Variants in SAXO1 observed in about 807,000 individuals in gnomAD.
SAXO1 encodes 4930500O09Rik.
SAXO1 carries 21 observed loss-of-function variants against 17.5 expected under a neutral mutation model. The observed-to-expected ratio is 1.20, with a 90% CI of 0.85 to 1.72. The LOEUF (loss-of-function observed/expected upper bound fraction) is 1.72. SAXO1 is among the 40% of genes most tolerant of loss of function. The pLI, the probability that SAXO1 is intolerant of heterozygous loss-of-function variation, is 0.00. For synonymous variants in SAXO1, 274 were observed against 216.5 expected, an observed-to-expected ratio of 1.27 and a Z score of -2.33; for missense variants, 843 against 596.0, an observed-to-expected ratio of 1.41 and a Z score of -4.32.
rs187290736 is a variant in SAXO1, at chr9:18,997,940, C to G, written c.38+34931G>C. On this transcript the variant is annotated intron_variant, in intron 1 of 3. Transcript: ENST00000380534. ...CATCAACATCAACAAAAAGGACATC[C>G]ACACCAAAACCCCATCTGTAGGTCA... Among the ~76,000 whole-genome samples the G allele has an allele frequency of 1.5e-4, 23 of 152,262 alleles. 2 individuals are homozygous for G. The East Asian group carries it at 3.9e-3, about 26-fold the overall frequency.
At chr9:19,030,509 C>A (rs1252520439) in intron 1 of SAXO1, among the ~76,000 whole-genome samples, 1 of 151,968 alleles carries the variant, frequency 6.6e-6, no homozygotes, top group Non-Finnish European at 1.5e-5. Flanking sequence ...GAGTTTAAGA[C>A]CAGCTGGCCA....
chr9:19,032,915 G>A lies in SAXO1; in HGVS notation c.-7C>T, dbSNP rs111491854. 9.3e-6 allele frequency: 15 copies of A among 1,607,900 alleles called. No homozygotes were observed. The highest frequency in any genetic ancestry group is 6.7e-5 in the African/African-American group (5 of 74,988). ...AGATGCACTTCGTCTTCATAGGGGC[G>A]ATCCTGAGGCCCTGACGTCCCCTCA... On this transcript the variant is annotated 5_prime_UTR_variant, in exon 1 of 4. Coordinates refer to ENST00000380534, the MANE Select transcript of SAXO1 (RefSeq NM_153707.4).
chr9:18,928,962 G>A lies in SAXO1; in HGVS notation c.515C>T (p.Thr172Ile), dbSNP rs1395364167. ...TTTTATGGGGTAATCGTCCTGGTGT[G>A]TGGTTCTGTTATCAAACCTGACTGA... is the stretch of plus-strand genomic sequence containing the variant. ...PASVRFDNRTTHQDDYPIKGL... is the reference protein window; with the variant it reads ...PASVRFDNRTIHQDDYPIKGL... Residue 172 changes from threonine to isoleucine, a missense_variant, in exon 4 of 4, where the codon ACA (threonine) becomes ATA (isoleucine). Thr to Ile is a moderately conservative substitution (Grantham distance 89). Transcript: ENST00000380534. The A allele has an allele frequency of 6.2e-7, 1 of 1,613,988 alleles. No homozygotes were observed. The highest frequency in any genetic ancestry group is 8.5e-7 in the Non-Finnish European group (1 of 1,180,026).
At chr9:18,946,497 A>C (rs1271461799) in intron 2 of SAXO1, among the ~76,000 whole-genome samples, 1 of 152,048 alleles carries the variant, frequency 6.6e-6, no homozygotes, top group Non-Finnish European at 1.5e-5. Context: ...CAAGACACAG[A>C]GTTTGCATTG....
At chr9:18,993,375 G>T (rs10811083) in intron 1 of SAXO1, among the ~76,000 whole-genome samples, 78,304 of 151,446 alleles carry the variant, frequency 0.52, 21,814 homozygotes, top group Non-Finnish European at 0.63. Flanking sequence ...TCTGTTGAGG[G>T]CTCATCCATG....
chr9:19,027,863 C>A, intron 1 of SAXO1: 1 of 1,362,250 alleles, frequency 7.3e-7, no homozygotes, highest in Non-Finnish European at 1.0e-6. Context: ...CGCCCTGCTA[C>A]GCTAGGGCGG....
chr9:19,045,913 C>T (rs1836201903), intron 1 of SAXO1, among the ~76,000 whole-genome samples: 1 of 149,866 alleles, frequency 6.7e-6, no homozygotes, highest in South Asian at 2.1e-4. Flanking sequence ...CATGGAGAAA[C>T]CCCGTATCTA....
chr9:18,963,637 G>T (rs10963876), intron 1 of SAXO1, among the ~76,000 whole-genome samples: 6,809 of 152,208 alleles, frequency 0.045, 163 homozygotes, highest in Middle Eastern at 0.085. Context: ...TTTGCACATT[G>T]ATTTCTTATC....
At chr9:18,984,847 T>C (rs553810377) in intron 1 of SAXO1, among the ~76,000 whole-genome samples, 76 of 152,320 alleles carry the variant, frequency 5.0e-4, no homozygotes, top group Non-Finnish European at 7.4e-4. Flanking sequence ...CTTGGCTGTT[T>C]GGCATAAGAG....
chr9:19,014,155 C>G (rs1259836131), intron 1 of SAXO1, among the ~76,000 whole-genome samples: 3 of 152,070 alleles, frequency 2.0e-5, no homozygotes, highest in East Asian at 1.9e-4. Context: ...GGAGAACTAT[C>G]AAAGGCTTTA....
Position 18,964,187 on chromosome 9 carries a change from G to T in SAXO1, c.39-13250C>A, listed in dbSNP as rs7042535. ...ATTCGGTTTGCCAGTATTTTAGTGAGGATTTTTGTATTAACGTTCATCAGG... is the reference window on the plus strand; with the variant it reads ...ATTCGGTTTGCCAGTATTTTAGTGATGATTTTTGTATTAACGTTCATCAGG... On this transcript the variant is annotated intron_variant, in intron 1 of 3. Coordinates refer to ENST00000380534, the MANE Select transcript of SAXO1 (RefSeq NM_153707.4). 4.6e-3 allele frequency among the ~76,000 whole-genome samples: 702 copies of T among 152,122 alleles called. 7 individuals carry two copies. Among genetic ancestry groups the T allele is most frequent in the Non-Finnish European group, 7.4e-3 (505 of 67,988 alleles).
chr9:19,008,950 G>T (rs1346256972), intron 1 of SAXO1, among the ~76,000 whole-genome samples: 2 of 152,148 alleles, frequency 1.3e-5, no homozygotes, highest in Non-Finnish European at 2.9e-5. Flanking sequence ...TCACCAAATT[G>T]AAAGCAATTG....
rs191655147 is a variant in SAXO1, at chr9:18,964,723, T to G, written c.39-13786A>C. 2.7e-3 allele frequency among the ~76,000 whole-genome samples: 413 copies of G among 152,302 alleles called. 2 individuals are homozygous for G. The highest frequency in any genetic ancestry group is 6.8e-3 in the Middle Eastern group (2 of 294). ...AAAAACTAGTTCCTGGATTCATTGA[T>G]TTTTTGAAGGGTTTCTCATGTCTCT... On this transcript the variant is annotated intron_variant, in intron 1 of 3. Coordinates refer to ENST00000380534, the MANE Select transcript of SAXO1 (RefSeq NM_153707.4).
intron 1 of SAXO1, among the ~76,000 whole-genome samples, chr9:18,964,719 T>C (rs576163571): frequency 2.0e-5 from 3 of 152,328 alleles, no homozygotes; most frequent in African/African-American, 4.8e-5. Flanking sequence ...CCTGGATTCA[T>C]TGATTTTTTG....
At chr9:18,941,611 C>G (rs750763382) in intron 3 of SAXO1, 26 bp downstream of exon 3, 1 of 1,613,394 alleles carries the variant, frequency 6.2e-7, no homozygotes, top group African/African-American at 1.3e-5. Context: ...GTCTTTCCCC[C>G]AATCTGCCCC....
At chr9:19,046,342 T>C (rs962313960) in intron 1 of SAXO1, among the ~76,000 whole-genome samples, 8 of 152,020 alleles carry the variant, frequency 5.3e-5, no homozygotes, top group Non-Finnish European at 1.0e-4. Context: ...AAAAATCTCC[T>C]GGAAAGTAGA....
chr9:18,992,764 C>A (rs985788882), intron 1 of SAXO1, among the ~76,000 whole-genome samples: 1 of 131,220 alleles, frequency 7.6e-6, no homozygotes, highest in African/African-American at 2.6e-5. Flanking sequence ...ATTCTAATGA[C>A]TTAAGAGCTA....
chr9:18,955,298 C>T (rs1308431957), intron 1 of SAXO1, among the ~76,000 whole-genome samples: 3 of 152,232 alleles, frequency 2.0e-5, no homozygotes, highest in Admixed American at 6.5e-5. Flanking sequence ...ATCATTTCAA[C>T]ATCCATTTAA....
At chr9:19,007,307 A>G (rs2130976950) in intron 1 of SAXO1, among the ~76,000 whole-genome samples, 1 of 152,306 alleles carries the variant, frequency 6.6e-6, no homozygotes, top group East Asian at 1.9e-4. Context: ...AGATCGTGCC[A>G]CTGCACTCCA....
Sources: gnomAD v4.1 joint callset for allele counts (sites outside exome capture counted in the v4.1 genomes callset) on GRCh38, gnomAD v4.1.1 for gene constraint, MANE v1.5 for transcripts, NCBI Gene and HGNC (gene_info 2026-07-23, HGNC 2026-07-21) for gene names.